Variants in CD200R1 observed in about 807,000 individuals in gnomAD.
The protein encoded by CD200R1 is CD200 receptor 1.
In CD200R1, 30 loss-of-function variants were observed where a neutral mutation model predicts 38.1. The ratio of observed to expected loss-of-function variants is 0.79; its 90% CI spans 0.59 to 1.07. CD200R1 has a LOEUF of 1.07. Among genes scored for constraint, CD200R1 ranks in the 50% least tolerant of loss-of-function variants. CD200R1 has a pLI of 0.00. For missense variants in CD200R1, 372 were observed against 415.4 expected (o/e 0.90, Z 0.91); for synonymous variants, 128 against 152.1 (o/e 0.84, Z 1.16).
chr3:112,924,532 T>C lies in CD200R1; in HGVS notation c.882A>G (p.Lys294=), dbSNP rs1940239232. The C allele has an allele frequency of 1.6e-6, 2 of 1,237,138 alleles. No homozygotes were observed. Among genetic ancestry groups the C allele is most frequent in the African/African-American group, 1.6e-5 (1 of 64,126 alleles). 76.6% of individuals were successfully genotyped at this position (1,237,138 alleles called of 1,614,324 possible). ...TAGATTCTGTTTTATTCAATTTATA[T>C]TTTCTATAAAAATAAAATAAATTGA... ...IWLLKVNGCR[K]YKLNKTESTP... is the part of the protein sequence containing the mutation. Residue 294 remains lysine (K), a synonymous_variant, in exon 7 of 8, where the codon AAA becomes AAG. Transcript: ENST00000308611.
chr3:112,940,100 T>C (rs371259889), intron 2 of CD200R1, among the ~76,000 whole-genome samples: 3 of 151,612 alleles, frequency 2.0e-5, no homozygotes. Context: ...TGGCGCTGGG[T>C]AAACTGAATA....
intron 2 of CD200R1, among the ~76,000 whole-genome samples, chr3:112,935,382 T>C (rs1418611892): frequency 6.6e-6 from 1 of 152,184 alleles, no homozygotes; most frequent in Non-Finnish European, 1.5e-5. Context: ...TACAATCATA[T>C]CATCTTATGT....
rs192865293 is a variant in CD200R1, at chr3:112,952,529, C to A, written c.68-4605G>T. On this transcript the variant is annotated intron_variant, in intron 1 of 7. Coordinates refer to ENST00000308611, the MANE Select transcript of CD200R1 (RefSeq NM_138806.4). ...GAAATCATCATTCTCAGTAAACTATCGCAAGAACAAAAAACCAAACACCGC... is the reference window on the plus strand; with the variant it reads ...GAAATCATCATTCTCAGTAAACTATAGCAAGAACAAAAAACCAAACACCGC... 4.2e-3 allele frequency among the ~76,000 whole-genome samples: 645 copies of A among 151,958 alleles called. 7 individuals carry two copies. The highest frequency in any genetic ancestry group is 0.015 in the African/African-American group (612 of 41,418).
intron 1 of CD200R1, among the ~76,000 whole-genome samples, chr3:112,955,532 G>A (rs1345315086): frequency 7.0e-6 from 1 of 143,830 alleles, no homozygotes; most frequent in Non-Finnish European, 1.5e-5. Flanking sequence ...TTTTTGAGAC[G>A]GAGTTTCGCT....
chr3:112,934,666 C>A (rs190083042), intron 2 of CD200R1, among the ~76,000 whole-genome samples: 103 of 152,146 alleles, frequency 6.8e-4, no homozygotes, highest in African/African-American at 2.5e-3. Flanking sequence ...CCCATCCCTA[C>A]TAAAAATACA....
rs760995230 is a variant in CD200R1 at position 112,974,815 on chromosome 3, T to C, written c.43A>G (p.Ile15Val). The change falls in exon 1 of 8, where the codon ATT becomes GTT. Residue 15 changes from isoleucine to valine, a missense_variant. Physicochemically the swap from Ile to Val is conservative, Grantham distance 29. Coordinates refer to ENST00000308611, the MANE Select transcript of CD200R1 (RefSeq NM_138806.4). ...CCGGCCACTAAGAAGATAGTCAAAA[T>C]CAACAGTAGCCCTAGGTTAGCAGTT... ...WRTANLGLLL[I>V]LTIFLVAEAE... 17 of 1,613,370 alleles carry C rather than the reference T, an allele frequency of 1.1e-5. No individual in the cohort carries two copies. The highest frequency in any genetic ancestry group is 1.7e-5 in the Admixed American group (1 of 59,908).
intron 2 of CD200R1, among the ~76,000 whole-genome samples, chr3:112,936,899 A>C (rs1407857973): frequency 6.6e-6 from 1 of 152,140 alleles, no homozygotes; most frequent in African/African-American, 2.4e-5. Flanking sequence ...TATGTCCTGA[A>C]TGATATTGTC....
chr3:112,924,669 A>G lies in CD200R1; in HGVS notation c.879-134T>C, dbSNP rs966130118. On this transcript the variant is annotated intron_variant, in intron 6 of 7. Transcript: ENST00000308611. ...AGCCATAATAAATCAGAAAGAAACT[A>G]CTAGAAATAAGTGAAGAATACTGCT... 12 of 512,598 alleles carry G rather than the reference A, an allele frequency of 2.3e-5. No individual in the cohort carries two copies. In the African/African-American group the frequency reaches 2.4e-4, roughly 10 times the overall value. 31.8% of individuals were successfully genotyped at this position (512,598 alleles called of 1,614,324 possible).
At chr3:112,961,488 A>G (rs1933017935) in intron 1 of CD200R1, among the ~76,000 whole-genome samples, 1 of 152,084 alleles carries the variant, frequency 6.6e-6, no homozygotes, top group Non-Finnish European at 1.5e-5. Context: ...CCTGACTAAC[A>G]TCGTTGTTTG....
intron 2 of CD200R1, among the ~76,000 whole-genome samples, chr3:112,932,333 C>T (rs1451862547): frequency 1.3e-5 from 2 of 152,156 alleles, no homozygotes; most frequent in East Asian, 3.9e-4. Flanking sequence ...TCCCCTCTCC[C>T]CACACTTCCA....
intron 5 of CD200R1, among the ~76,000 whole-genome samples, chr3:112,928,570 T>G (rs1437853083): frequency 6.6e-6 from 1 of 152,198 alleles, no homozygotes; most frequent in Non-Finnish European, 1.5e-5. Context: ...CTACTCATGC[T>G]AATTAACTAC....
intron 1 of CD200R1, among the ~76,000 whole-genome samples, chr3:112,948,605 C>T (rs779076464): frequency 3.3e-5 from 5 of 152,188 alleles, no homozygotes; most frequent in Admixed American, 2.0e-4. Flanking sequence ...AGAGGTGGAG[C>T]TCAGGCCGCA....
chr3:112,938,286 C>T (rs1940633700), intron 2 of CD200R1, among the ~76,000 whole-genome samples: 1 of 152,006 alleles, frequency 6.6e-6, no homozygotes, highest in African/African-American at 2.4e-5. Context: ...AAGGGGAATG[C>T]TTCTAGTTTT....
intron 1 of CD200R1, among the ~76,000 whole-genome samples, chr3:112,969,486 A>C (rs1221391455): frequency 6.6e-6 from 1 of 152,236 alleles, no homozygotes; most frequent in Non-Finnish European, 1.5e-5. Context: ...ATGTGCCACC[A>C]ACAGTTGCCT....
chr3:112,946,347 T>C (rs1232009999), intron 2 of CD200R1, among the ~76,000 whole-genome samples: 2 of 152,204 alleles, frequency 1.3e-5, no homozygotes, highest in Middle Eastern at 3.2e-3. Flanking sequence ...TTCCAATCCA[T>C]GGTTGGTTGG....
Position 112,921,869 on chromosome 3 carries a change from A to G in CD200R1, c.*1808T>C, listed in dbSNP as rs933071089. ...CATTATCAAGTTAAGAGGTAAGCAT[A>G]GTACTGTCTTACTTTGTTTTTCAGT... On this transcript the variant is annotated 3_prime_UTR_variant, in exon 8 of 8. Coordinates refer to ENST00000308611, the MANE Select transcript of CD200R1 (RefSeq NM_138806.4). 1 of 152,102 alleles carries G rather than the reference A, an allele frequency of 6.6e-6. No homozygotes were observed. Among genetic ancestry groups the G allele is most frequent in the Admixed American group, 6.6e-5 (1 of 15,238 alleles). 9.4% of individuals were successfully genotyped at this position (152,102 alleles called of 1,614,324 possible).
At chr3:112,924,860 A>T (rs561809594) in intron 6 of CD200R1, among the ~76,000 whole-genome samples, 1 of 152,212 alleles carries the variant, frequency 6.6e-6, no homozygotes, top group African/African-American at 2.4e-5. Flanking sequence ...CTCTCCCAAG[A>T]TCCTACCCTA....
At chr3:112,962,959 G>C (rs1933060197) in intron 1 of CD200R1, among the ~76,000 whole-genome samples, 1 of 152,184 alleles carries the variant, frequency 6.6e-6, no homozygotes, top group African/African-American at 2.4e-5. Flanking sequence ...CCTAGTAGGA[G>C]GCACTTGAAT....
At chr3:112,947,637 G>C (rs949170191) in intron 2 of CD200R1, among the ~76,000 whole-genome samples, 4 of 152,096 alleles carry the variant, frequency 2.6e-5, no homozygotes, top group Admixed American at 2.6e-4. Context: ...CAAATTTTTT[G>C]AATAGGCCAT....
Sources: gnomAD v4.1 joint callset for allele counts (sites outside exome capture counted in the v4.1 genomes callset) on GRCh38, gnomAD v4.1.1 for gene constraint, MANE v1.5 for transcripts, NCBI Gene and HGNC (gene_info 2026-07-23, HGNC 2026-07-21) for gene names.